Variants in ATP13A5 observed in about 807,000 individuals in gnomAD.
ATP13A5 encodes ATPase 13A5.
A neutral mutation model predicts 150.2 loss-of-function variants in ATP13A5; 149 were observed. The ratio of observed to expected loss-of-function variants is 0.99; its 90% confidence interval spans 0.87 to 1.14. The LOEUF is 1.14. ATP13A5 is among the 50% of genes most tolerant of loss of function. The probability of loss-of-function intolerance (pLI) is 0.00; values close to 1 mark genes in which losing one functional copy is unlikely to be tolerated. For synonymous variants in ATP13A5, 497 were observed against 522.2 expected (o/e 0.95, Z 0.66); for missense variants, 1,383 against 1,449.3 (o/e 0.95, Z 0.74).
In ATP13A5 at chr3:193,290,009, G is replaced by T. The variant is rs753858029; in HGVS notation, c.2899C>A (p.Gln967Lys). ...PKLAPYRPAG[Q>K]LLSPPLLLSI... ...AGCAGTAAAGGGGGAGAAAGGAGCT[G>T]TCCTGCTGGTCTATATGGAGCCAGC... Residue 967 changes from glutamine (Q) to lysine (K), a missense_variant, in exon 26 of 30, where the codon CAG becomes AAG. Physicochemically the swap from Gln to Lys is moderately conservative, Grantham distance 53 (BLOSUM62 1). Transcript: ENST00000342358. 3 of 1,612,788 alleles carry T rather than the reference G, an allele frequency of 1.9e-6. No homozygotes were observed.
intron 9 of ATP13A5, 54 bp downstream of exon 9, chr3:193,343,873 T>A: frequency 4.4e-6 from 7 of 1,580,624 alleles, no homozygotes; most frequent in Non-Finnish European, 6.0e-6. Flanking sequence ...TGAGGATATG[T>A]TGATCTGATT....
intron 2 of ATP13A5, 68 bp downstream of exon 2, chr3:193,364,039 T>C (rs1358069691): frequency 1.5e-5 from 22 of 1,483,158 alleles, no homozygotes; most frequent in Non-Finnish European, 1.9e-5. Context: ...AGCCACAGAG[T>C]TATGCCACAG....
chr3:193,374,987 T>C (rs1256434865), intron 1 of ATP13A5, among the ~76,000 whole-genome samples: 1 of 152,176 alleles, frequency 6.6e-6, no homozygotes, highest in African/African-American at 2.4e-5. Flanking sequence ...GTGTGGTCCC[T>C]TGACCTTGAA....
At chr3:193,367,471 A>T (rs2108582825) in intron 1 of ATP13A5, among the ~76,000 whole-genome samples, 1 of 152,212 alleles carries the variant, frequency 6.6e-6, no homozygotes, top group African/African-American at 2.4e-5. Context: ...AAATTCTCCC[A>T]ATTTGTTTTA....
intron 9 of ATP13A5, among the ~76,000 whole-genome samples, chr3:193,336,226 A>G (rs1236489987): frequency 6.6e-6 from 1 of 152,006 alleles, no homozygotes; most frequent in Non-Finnish European, 1.5e-5. Context: ...TAGGTTCAAA[A>G]CACATAGTTT....
chr3:193,279,476 T>C (rs1717382105), intron 27 of ATP13A5, 22 bp from the exon 28 acceptor site: 2 of 1,579,906 alleles, frequency 1.3e-6, no homozygotes, highest in African/African-American at 1.3e-5. Context: ...CCAAACATTA[T>C]TTTTAGATGT....
At chr3:193,327,133 G>A in intron 12 of ATP13A5, 76 bp from the exon 13 acceptor site, 2 of 1,338,066 alleles carry the variant, frequency 1.5e-6, no homozygotes, top group Non-Finnish European at 2.1e-6. Context: ...CAAAACCCAA[G>A]TTTCTAAGAT....
chr3:193,336,807 G>A (rs1249500135), intron 9 of ATP13A5, among the ~76,000 whole-genome samples: 18 of 152,122 alleles, frequency 1.2e-4, no homozygotes, highest in Non-Finnish European at 8.8e-5. Flanking sequence ...TTGAGGAATC[G>A]CCACATTGTC....
At chr3:193,279,296 T>C in intron 28 of ATP13A5, 70 bp downstream of exon 28, 1 of 1,232,866 alleles carries the variant, frequency 8.1e-7, no homozygotes. Context: ...AATAATTGAC[T>C]TGTGAATTAC....
rs368111027 is a variant in ATP13A5, at chr3:193,332,198, T to C, written c.1273-887A>G. ...CTCATGAGATCTGATGGTTTATAAA[T>C]GGGATTTCCCCTGCACAAACTCTCT... On this transcript the variant is annotated intron_variant, in intron 11 of 29. Transcript: ENST00000342358. Among the ~76,000 whole-genome samples the C allele has an allele frequency of 1.3e-4, 20 of 152,296 alleles. No individual in the cohort carries two copies. In the East Asian group the frequency reaches 3.3e-3, roughly 25 times the overall value.
At chr3:193,301,675 G>A (rs1311110298) in intron 23 of ATP13A5, among the ~76,000 whole-genome samples, 1 of 152,144 alleles carries the variant, frequency 6.6e-6, no homozygotes, top group Non-Finnish European at 1.5e-5. Flanking sequence ...AAAATGTCAA[G>A]CATTGACTCA....
At chr3:193,370,163 A>G (rs1713390767) in intron 1 of ATP13A5, among the ~76,000 whole-genome samples, 1 of 152,194 alleles carries the variant, frequency 6.6e-6, no homozygotes, top group African/African-American at 2.4e-5. Flanking sequence ...GAGGTACCAC[A>G]GCCCTAACAG....
intron 26 of ATP13A5, among the ~76,000 whole-genome samples, chr3:193,288,973 T>C (rs2108825852): frequency 6.6e-6 from 1 of 152,250 alleles, no homozygotes; most frequent in Middle Eastern, 3.4e-3. Context: ...TCTGAGTATA[T>C]GCACTCCAAT....
At chr3:193,301,384 G>T (rs1441078881) in intron 23 of ATP13A5, 77 bp from the exon 24 acceptor site, 6 of 1,102,384 alleles carry the variant, frequency 5.4e-6, no homozygotes, top group Non-Finnish European at 8.1e-6. Context: ...CTTAAAACGA[G>T]TTATATTTTT....
At chr3:193,318,928 T>C in intron 17 of ATP13A5, 63 bp downstream of exon 17, 2 of 1,137,166 alleles carry the variant, frequency 1.8e-6, no homozygotes, top group Non-Finnish European at 2.7e-6. Flanking sequence ...CATCTGTTCA[T>C]CTCCAGGACT....
chr3:193,312,449 C>A (rs1718891947), intron 19 of ATP13A5, among the ~76,000 whole-genome samples: 1 of 152,164 alleles, frequency 6.6e-6, no homozygotes, highest in African/African-American at 2.4e-5. Context: ...CTCTTTCTAT[C>A]ATGGTTCCCA....
Position 193,363,153 on chromosome 3 carries a change from T to C in ATP13A5, c.384+83A>G. The stretch of plus-strand genomic sequence containing the variant: ...TGTCATTCCCATTCCAAAAGTGTGA[T>C]ATTCGGAACTTTCATTTAATAAACA... On this transcript the variant is annotated intron_variant, in intron 3 of 29. Coordinates refer to ENST00000342358, the MANE Select transcript of ATP13A5 (RefSeq NM_198505.4). 2.1e-6 allele frequency: 3 copies of C among 1,444,568 alleles called. No homozygotes were observed. In the East Asian group the frequency reaches 7.0e-5, roughly 34 times the overall value. The allele number at this position is 1,444,568 out of a possible 1,614,324, so 89.5% of individuals were successfully genotyped here. A position where few individuals can be genotyped will look rare whatever the true frequency, so the allele number is the denominator to read the frequency against.
At chr3:193,364,338 T>G (rs1172086101) in intron 1 of ATP13A5, 58 bp from the exon 2 acceptor site, 1 of 1,569,558 alleles carries the variant, frequency 6.4e-7, no homozygotes, top group African/African-American at 1.4e-5. Context: ...AAACATATTA[T>G]TTTCTTTCAA....
intron 5 of ATP13A5, 90 bp downstream of exon 5, chr3:193,362,291 C>A: frequency 8.9e-7 from 1 of 1,122,034 alleles, no homozygotes; most frequent in Non-Finnish European, 1.3e-6. Flanking sequence ...GCTGATGAAG[C>A]ATTATGCCAA....
Sources: gnomAD v4.1 joint callset for allele counts (sites outside exome capture counted in the v4.1 genomes callset) on GRCh38, gnomAD v4.1.1 for gene constraint, MANE v1.5 for transcripts, NCBI Gene and HGNC (gene_info 2026-07-23, HGNC 2026-07-21) for gene names.